Variants in PIWIL2 observed in about 807,000 individuals in gnomAD.
The protein encoded by PIWIL2 is piwi like RNA-mediated gene silencing 2, also known as piwi-like protein 2.
Under a neutral mutation model 116.5 loss-of-function variants are expected in PIWIL2, and 81 were observed. The observed-to-expected ratio is 0.70, with a 90% CI of 0.58 to 0.84. PIWIL2 has a LOEUF of 0.84. Among genes scored for constraint, PIWIL2 ranks in the 40% least tolerant of loss-of-function variants. The pLI is 0.00. For synonymous variants in PIWIL2, 489 were observed against 429.5 expected (o/e 1.14, Z -1.71); for missense variants, 1,272 against 1,212.3 (o/e 1.05, Z -0.73).
At chr8:22,323,570 TTTAAC>T (rs938676893) in intron 20 of PIWIL2, among the ~76,000 whole-genome samples, 1 of 152,188 alleles carries the variant, frequency 6.6e-6, no homozygotes, top group Non-Finnish European at 1.5e-5. Context: ...TTGGAGTGTC[TTTAAC>T]TTAATTTCCC....
intron 20 of PIWIL2, among the ~76,000 whole-genome samples, chr8:22,348,748 A>G (rs1832284898): frequency 6.6e-6 from 1 of 152,214 alleles, no homozygotes; most frequent in South Asian, 2.1e-4. Context: ...CCCTGTCTCA[A>G]AAGAAAGAAA....
At chr8:22,339,619 A>T (rs913853582) in intron 20 of PIWIL2, among the ~76,000 whole-genome samples, 3 of 152,244 alleles carry the variant, frequency 2.0e-5, no homozygotes, top group African/African-American at 7.2e-5. Flanking sequence ...AAAAGCAGCC[A>T]AAGAAAAAAT....
At chr8:22,317,855 G>T (rs11135989) in intron 19 of PIWIL2, among the ~76,000 whole-genome samples, 64,283 of 151,472 alleles carry the variant, frequency 0.42, 15,567 homozygotes, top group East Asian at 0.81. Flanking sequence ...TAGAGACGGG[G>T]TTTCACCGTG....
chr8:22,332,958 G>C (rs1831895178), intron 20 of PIWIL2, among the ~76,000 whole-genome samples: 1 of 151,924 alleles, frequency 6.6e-6, no homozygotes. Context: ...TCTAAAACAA[G>C]AAAAAAATGT....
chr8:22,315,372 G>A (rs1177744457), intron 18 of PIWIL2, among the ~76,000 whole-genome samples: 2 of 152,076 alleles, frequency 1.3e-5, no homozygotes, highest in East Asian at 1.9e-4. Flanking sequence ...GTTGGAGTGC[G>A]ATGGCACGAT....
At chr8:22,345,176 C>T (rs927755754) in intron 20 of PIWIL2, among the ~76,000 whole-genome samples, 2 of 152,176 alleles carry the variant, frequency 1.3e-5, no homozygotes, top group Admixed American at 6.5e-5. Flanking sequence ...GCAACATAGA[C>T]TCCATATGTA....
intron 10 of PIWIL2, among the ~76,000 whole-genome samples, chr8:22,291,095 A>G (rs939783675): frequency 1.1e-4 from 16 of 151,032 alleles, no homozygotes; most frequent in Non-Finnish European, 1.8e-4. Context: ...CAGCCTCCTG[A>G]GTAGCTGGAA....
chr8:22,351,899 A>G (rs1296524205), intron 20 of PIWIL2, among the ~76,000 whole-genome samples: 2 of 151,914 alleles, frequency 1.3e-5, no homozygotes, highest in Non-Finnish European at 2.9e-5. Context: ...ACACTCCACT[A>G]GAATCAAAAC....
chr8:22,282,471 A>C (rs944550265), intron 4 of PIWIL2, among the ~76,000 whole-genome samples: 6 of 151,958 alleles, frequency 3.9e-5, no homozygotes, highest in Admixed American at 1.3e-4. Context: ...TATAGGCGTG[A>C]GCCCCTGCAC....
At chr8:22,322,081 GAT>G in intron 20 of PIWIL2, 1 of 571,222 alleles carries the variant, frequency 1.8e-6, no homozygotes, top group African/African-American at 2.0e-5. Flanking sequence ...TAGGTTAGAG[GAT>G]AGAGTTCCCA....
At chr8:22,289,433 A>G (rs760386701) in intron 8 of PIWIL2, among the ~76,000 whole-genome samples, 1 of 152,116 alleles carries the variant, frequency 6.6e-6, no homozygotes, top group Admixed American at 6.5e-5. Flanking sequence ...TTAGAGGCGT[A>G]AGCCACCGCG....
At chr8:22,339,631 G>A (rs748722615) in intron 20 of PIWIL2, among the ~76,000 whole-genome samples, 16 of 152,152 alleles carry the variant, frequency 1.1e-4, no homozygotes, top group Non-Finnish European at 1.8e-4. Flanking sequence ...AGAAAAAATC[G>A]ATTTGATGAA....
chr8:22,305,381 A>G (rs1335564735), intron 12 of PIWIL2, among the ~76,000 whole-genome samples: 4 of 152,026 alleles, frequency 2.6e-5, no homozygotes, highest in East Asian at 3.9e-4. Context: ...TTTAATAGAG[A>G]CGGGGTTTCA....
chr8:22,353,764 CTTTTTTTT>C (rs760913894), intron 21 of PIWIL2, among the ~76,000 whole-genome samples: 1,079 of 68,356 alleles, frequency 0.016, 18 homozygotes, highest in African/African-American at 0.033. Context: ...GTTTCTACCA[CTTTTTTTT>C]TTTTTTTTTT....
At chr8:22,328,572 GTCTT>G (rs1831781260) in intron 20 of PIWIL2, among the ~76,000 whole-genome samples, 1 of 152,190 alleles carries the variant, frequency 6.6e-6, no homozygotes, top group African/African-American at 2.4e-5. Context: ...GACACAGGAT[GTCTT>G]TCTATTTATT....
chr8:22,323,143 C>CTTTTTTT (rs138180864), intron 20 of PIWIL2, among the ~76,000 whole-genome samples: 5 of 78,018 alleles, frequency 6.4e-5, no homozygotes, highest in East Asian at 4.8e-4. Flanking sequence ...TAGTCTTGAT[C>CTTTTTTT]TTTTTTTTTT....
chr8:22,312,829 TG>T (rs1335908661), intron 16 of PIWIL2, among the ~76,000 whole-genome samples: 1 of 152,050 alleles, frequency 6.6e-6, no homozygotes, highest in Non-Finnish European at 1.5e-5. Flanking sequence ...TTTGTAGAGA[TG>T]GGGTCTCCTT....
chr8:22,303,424 C>T (rs1831098995), intron 10 of PIWIL2, among the ~76,000 whole-genome samples: 1 of 152,186 alleles, frequency 6.6e-6, no homozygotes, highest in Admixed American at 6.5e-5. Context: ...CAGGGCCTTA[C>T]TTTGTCACCC....
At chr8:22,312,269 A>T (rs1167376759) in intron 16 of PIWIL2, among the ~76,000 whole-genome samples, 1 of 151,078 alleles carries the variant, frequency 6.6e-6, no homozygotes, top group Non-Finnish European at 1.5e-5. Flanking sequence ...TTTCTCCAAA[A>T]AAAAAAAAAA....
Sources: allele counts gnomAD v4.1 joint callset (sites outside exome capture counted in the v4.1 genomes callset), GRCh38; gene constraint gnomAD v4.1.1; transcripts MANE v1.5; gene names NCBI Gene and HGNC (gene_info 2026-07-23, HGNC 2026-07-21).